The following SZT2 variants were observed in gnomAD, a reference collection of about 807,000 sequenced individuals.
SZT2 encodes the protein KICSTOR complex protein SZT2.
A neutral mutation model predicts 404.2 loss-of-function variants in SZT2; 216 were observed. The observed-to-expected ratio is 0.53, with a 90% confidence interval of 0.48 to 0.60. SZT2 has a LOEUF of 0.60. Ranked by LOEUF, SZT2 falls within the 20% of genes least tolerant of loss-of-function variation. The pLI, the probability that SZT2 is intolerant of heterozygous loss-of-function variation, is 0.00. For missense variants in SZT2, 3,857 were observed against 4,459.2 expected (o/e 0.86, Z 3.85); for synonymous variants, 1,693 against 1,749.9 (o/e 0.97, Z 0.81).
Position 43,439,359 on chromosome 1 carries a change from A to G in SZT2, c.6794A>G (p.His2265Arg), listed in dbSNP as rs1207859066. ...GCTCTGTGGCTGTTCTTTCCCCAGC[A>G]TCCACTCCCACCACAGGGTGGCCTC... ...TDSNSRNHFQHPLPPQGGLPD... is the reference protein window; with the variant it reads ...TDSNSRNHFQRPLPPQGGLPD... Residue 2265 changes from histidine to arginine, a missense_variant and splice_region_variant, in exon 49 of 72, where the codon CAT becomes CGT. This residue lies in a region of SZT2 where 261 missense variants were observed against 372.9 expected (regional missense o/e 0.70). Transcript: ENST00000634258. This position sits in a 1 kb window ranked among gnomAD's most constrained non-coding sequence, Gnocchi z 4.2. 1 of 1,614,070 alleles carries G rather than the reference A, an allele frequency of 6.2e-7. No individual in the cohort carries two copies. The highest frequency in any genetic ancestry group is 1.1e-5 in the South Asian group (1 of 91,060).
In SZT2 at chr1:43,427,621, G is replaced by A. The variant is rs1041324146; in HGVS notation, c.3690G>A (p.Ala1230=). The A allele has an allele frequency of 9.9e-6, 16 of 1,614,096 alleles. No homozygotes were observed. The highest frequency in any genetic ancestry group is 6.7e-5 in the East Asian group (3 of 44,896). ...GTCAGGCTTCCCAGACAGAGAGTGCGGATGGGCCCCGGACCCGGTGTCCTG... is the reference window on the plus strand; with the variant it reads ...GTCAGGCTTCCCAGACAGAGAGTGCAGATGGGCCCCGGACCCGGTGTCCTG... ...AGRQASQTES[A]DGPRTRCPVY... Residue 1230 remains alanine (A), a synonymous_variant, in exon 26 of 72, where the codon GCG becomes GCA. Transcript: ENST00000634258.
chr1:43,395,500 A>T lies in SZT2; in HGVS notation c.27+5505A>T, dbSNP rs185234812. Reference sequence around the variant, plus strand: ...TTTTTTGTAGAGACAGGGTTTTGCCATGTTGCCCAGGCTAGTCTCAAACTC... The same window carrying T: ...TTTTTTGTAGAGACAGGGTTTTGCCTTGTTGCCCAGGCTAGTCTCAAACTC... On this transcript the variant is annotated intron_variant, in intron 1 of 71. Transcript: ENST00000634258. Among the ~76,000 whole-genome samples the T allele has an allele frequency of 1.1e-4, 16 of 152,254 alleles. No homozygotes were observed. In the East Asian group the frequency reaches 2.9e-3, roughly 28 times the overall value.
In SZT2 at chr1:43,451,413, G is replaced by C. The variant is rs777421985; in HGVS notation, c.*933G>C. 5 of 1,612,554 alleles carry C rather than the reference G, an allele frequency of 3.1e-6. No individual in the cohort carries two copies. Among genetic ancestry groups the C allele is most frequent in the East Asian group, 2.2e-5 (1 of 44,710 alleles). On this transcript the variant is annotated 3_prime_UTR_variant, in exon 72 of 72. Coordinates refer to ENST00000634258, the MANE Select transcript of SZT2 (RefSeq NM_001365999.1). ...CTTCCCCAGGGCCACGCCTCACCTC[G>C]AGGCTGATACTCACAGCCCACGAAG...
At chr1:43,440,757 A>C (rs1168335556) in intron 52 of SZT2, among the ~76,000 whole-genome samples, 171 bp downstream of exon 52, 4 of 152,154 alleles carry the variant, frequency 2.6e-5, no homozygotes, top group Admixed American at 2.6e-4. Flanking sequence ...CCAGCTCCTC[A>C]GGAGGATGAA....
At position 43,432,731 on chromosome 1, in the gene SZT2, G is replaced by C; in HGVS notation, c.5534G>C (p.Ser1845Thr). ...ISLPRVPQGG[S>T]QPGPSRGLSL... The stretch of plus-strand genomic sequence containing the variant: ...GGCATTTTCCTTCTCTATCCAGGGA[G>C]TCAGCCTGGGCCCAGCCGGGGATTA... The change falls in exon 39 of 72, where the codon AGT becomes ACT. Residue 1845 changes from serine to threonine, a missense_variant. By Grantham distance (58) the Ser-to-Thr change is moderately conservative. This residue lies in a region of SZT2 where 1,725 missense variants were observed against 1,881.0 expected (regional missense o/e 0.92). Coordinates refer to ENST00000634258, the MANE Select transcript of SZT2 (RefSeq NM_001365999.1). 1 of 1,614,048 alleles carries C rather than the reference G, an allele frequency of 6.2e-7. No individual in the cohort carries two copies. Among genetic ancestry groups the C allele is most frequent in the Non-Finnish European group, 8.5e-7 (1 of 1,179,970 alleles).
In SZT2 at chr1:43,447,171, C is replaced by A; in HGVS notation, c.9286+3C>A. The A allele has an allele frequency of 6.2e-7, 1 of 1,609,390 alleles. No homozygotes were observed. The highest frequency in any genetic ancestry group is 8.5e-7 in the Non-Finnish European group (1 of 1,178,722). On this transcript the variant is annotated splice_donor_region_variant and intron_variant, in intron 66 of 71. Coordinates refer to ENST00000634258, the MANE Select transcript of SZT2 (RefSeq NM_001365999.1). The stretch of plus-strand genomic sequence containing the variant: ...TGGCCGCAATCACATTTACCAAGGT[C>A]AGTGCCCAAGGGCAAGCCAGTGAAC...
In SZT2 at chr1:43,403,200, C is replaced by T. The variant is rs374517880; in HGVS notation, c.51C>T (p.Phe17=). The T allele has an allele frequency of 7.2e-5, 116 of 1,613,974 alleles. No homozygotes were observed. The highest frequency in any genetic ancestry group is 9.3e-5 in the Non-Finnish European group (110 of 1,180,042). The change falls in exon 2 of 72, where the codon TTC becomes TTT. Residue 17 remains phenylalanine, a synonymous_variant. Coordinates refer to ENST00000634258, the MANE Select transcript of SZT2 (RefSeq NM_001365999.1). ...AGGTGGAAGAAGCTGGGCAGGTGTT[C>T]CTGTTAATGAAAAAGGATTATCGAA... is the stretch of plus-strand genomic sequence containing the variant. ...EPEVEEAGQV[F]LLMKKDYRIS...
rs1301911357 is a variant in SZT2, at chr1:43,431,538, C to A, written c.5088+15C>A. 4 of 1,613,928 alleles carry A rather than the reference C, an allele frequency of 2.5e-6. No individual in the cohort carries two copies. In the Admixed American group the frequency reaches 5.0e-5, roughly 20 times the overall value. ...CCATGAATGAGGTGAGCCCCCCACC[C>A]CCAACACTGTAACTGATTCCCTTTC... On this transcript the variant is annotated intron_variant, in intron 35 of 71. Coordinates refer to ENST00000634258, the MANE Select transcript of SZT2 (RefSeq NM_001365999.1).
chr1:43,452,018 C>T lies in SZT2; in HGVS notation c.*1538C>T. 2 of 1,603,456 alleles carry T rather than the reference C, an allele frequency of 1.2e-6. No homozygotes were observed. The highest frequency in any genetic ancestry group is 1.7e-6 in the Non-Finnish European group (2 of 1,173,564). On this transcript the variant is annotated 3_prime_UTR_variant, in exon 72 of 72. Coordinates refer to ENST00000634258, the MANE Select transcript of SZT2 (RefSeq NM_001365999.1). ...CAGCAGTCCCACGAGGTCCTCCTAG[C>T]AGCATGTCGGGTGCTGTGAATAGAG...
chr1:43,436,851 A>C (rs577159665), intron 42 of SZT2: 4 of 384,246 alleles, frequency 1.0e-5, no homozygotes, highest in Admixed American at 4.2e-5. Context: ...TGCTACTGAC[A>C]TATATTATGA....
rs755140306 is a variant in SZT2 at position 43,423,210 on chromosome 1, G to A, written c.2149G>A (p.Gly717Ser). The change falls in exon 15 of 72, where the codon GGC becomes AGC. Residue 717 changes from glycine to serine, a missense_variant. By Grantham distance (56) the Gly-to-Ser change is moderately conservative (BLOSUM62 0). Transcript: ENST00000634258. ...AAAAGGGCTAGGGGGTGCTGGTGGG[G>A]GCAGCTCTCCCTCCAAGTCACCCCC... ...KRKGLGGAGG[G>S]SSPSKSPPVL... 1.3e-6 allele frequency: 2 copies of A among 1,597,198 alleles called. No homozygotes were observed. The highest frequency in any genetic ancestry group is 1.3e-5 in the African/African-American group (1 of 75,038).
rs1213082761 is a variant in SZT2, at chr1:43,420,203, C to G, written c.1141C>G (p.Pro381Ala). ...NEHLVSASSNPALALRRKKHT... is the reference protein window; with the variant it reads ...NEHLVSASSNAALALRRKKHT... The stretch of plus-strand genomic sequence containing the variant: ...GCACCTGGTCTCTGCAAGCAGCAAC[C>G]CTGCCCTGGCCTTGCGCCGGAAGAA... The change falls in exon 9 of 72, where the codon CCT becomes GCT. Residue 381 changes from proline (P) to alanine (A), a missense_variant. Pro to Ala is a conservative substitution (Grantham distance 27, BLOSUM62 -1). This residue lies in a region of SZT2 where 536 missense variants were observed against 637.4 expected (regional missense o/e 0.84). Transcript: ENST00000634258. This position sits in a 1 kb window ranked among gnomAD's most constrained non-coding sequence, Gnocchi z 5.1. The G allele has an allele frequency of 5.0e-6, 8 of 1,598,346 alleles. No homozygotes were observed.
rs1195055668 is a variant in SZT2, at chr1:43,424,463, G to A, written c.2471+31G>A. ...TCATCCAAGCCTGCCAGGTCACTCGGGGCAAGGAGAGAGCAAGTGTAGACT... is the reference window on the plus strand; with the variant it reads ...TCATCCAAGCCTGCCAGGTCACTCGAGGCAAGGAGAGAGCAAGTGTAGACT... On this transcript the variant is annotated intron_variant, in intron 16 of 71. Coordinates refer to ENST00000634258, the MANE Select transcript of SZT2 (RefSeq NM_001365999.1). The surrounding 1 kb of genome is among the most constrained non-coding windows in gnomAD (Gnocchi z 4.1). 2 of 1,592,492 alleles carry A rather than the reference G, an allele frequency of 1.3e-6. No individual in the cohort carries two copies. Among genetic ancestry groups the A allele is most frequent in the East Asian group, 2.2e-5 (1 of 44,832 alleles).
At position 43,432,395 on chromosome 1, in the gene SZT2, G is replaced by T. The variant is rs919975467; in HGVS notation, c.5398G>T (p.Ala1800Ser). ...SHGEPSSAAW[A>S]WHSHEDRAEG... is the part of the protein sequence containing the mutation. ...TGGGGAGCCTTCTTCAGCGGCCTGG[G>T]CTTGGCACAGTCATGAGGACAGGGC... Residue 1800 changes from alanine to serine, a missense_variant, in exon 37 of 72, where the codon GCT becomes TCT. Physicochemically the swap from Ala to Ser is moderately conservative, Grantham distance 99. Coordinates refer to ENST00000634258, the MANE Select transcript of SZT2 (RefSeq NM_001365999.1). 1 of 1,593,734 alleles carries T rather than the reference G, an allele frequency of 6.3e-7. No individual in the cohort carries two copies. Among genetic ancestry groups the T allele is most frequent in the South Asian group, 1.1e-5 (1 of 87,718 alleles).
chr1:43,406,312 G>A (rs1425065380), intron 4 of SZT2: 2 of 255,050 alleles, frequency 7.8e-6, no homozygotes, highest in South Asian at 3.2e-5. Context: ...TGGCCAGGCT[G>A]CCCTCGAACT....
chr1:43,411,834 A>G (rs1208195583), intron 4 of SZT2, among the ~76,000 whole-genome samples: 8 of 122,488 alleles, frequency 6.5e-5, no homozygotes, highest in African/African-American at 2.6e-4. Context: ...GGTGGAGTGC[A>G]GTGGCATGAT....
chr1:43,399,524 T>G (rs1286095226), intron 1 of SZT2, among the ~76,000 whole-genome samples: 1 of 147,836 alleles, frequency 6.8e-6, no homozygotes, highest in Non-Finnish European at 1.5e-5. Flanking sequence ...TGCAGTGGCG[T>G]GATCTCGACT....
Position 43,451,550 on chromosome 1 carries a change from G to A in SZT2, c.*1070G>A. ...CTGTGCCACCTGCACATGCCCTGGG[G>A]ACAGATGTGGACAAATGTGGGGTCC... On this transcript the variant is annotated 3_prime_UTR_variant, in exon 72 of 72. Coordinates refer to ENST00000634258, the MANE Select transcript of SZT2 (RefSeq NM_001365999.1). 6.2e-7 allele frequency: 1 copy of A among 1,613,664 alleles called. No individual in the cohort carries two copies. Among genetic ancestry groups the A allele is most frequent in the Non-Finnish European group, 8.5e-7 (1 of 1,179,692 alleles).
At chr1:43,440,076 C>A (rs2153935503) in intron 51 of SZT2, 28 bp downstream of exon 51, 1 of 1,612,910 alleles carries the variant, frequency 6.2e-7, no homozygotes, top group Non-Finnish European at 8.5e-7. Flanking sequence ...TCCCTGGGGT[C>A]CAGAGAATGT....
Sources: gnomAD v4.1 joint callset for allele counts (sites outside exome capture counted in the v4.1 genomes callset) on GRCh38, gnomAD v4.1.1 for gene constraint, gnomAD v4.1.1 regional missense constraint, Gnocchi (gnomAD v3.1) non-coding constraint, MANE v1.5 for transcripts, NCBI Gene and HGNC (gene_info 2026-07-23, HGNC 2026-07-21) for gene names.